PDE8B: variants seen among roughly 807,000 people sequenced by gnomAD.
PDE8B encodes the protein phosphodiesterase 8B, also known as high affinity cAMP-specific and IBMX-insensitive 3',5'-cyclic phosphodiesterase 8B.
In PDE8B, 26 loss-of-function variants were observed where a neutral mutation model predicts 101.3. The observed-to-expected ratio is 0.26, with a 90% CI of 0.19 to 0.36. PDE8B has a LOEUF of 0.36. Ranked by LOEUF, PDE8B falls within the 10% of genes least tolerant of loss-of-function variation. PDE8B has a pLI of 1.00. For synonymous variants in PDE8B, 424 were observed against 429.3 expected, an observed-to-expected ratio of 0.99 and a Z score of 0.15; for missense variants, 810 against 1,163.1, an observed-to-expected ratio of 0.70 and a Z score of 4.42.
chr5:77,380,585 G>A (rs1173114304), intron 10 of PDE8B, among the ~76,000 whole-genome samples: 1 of 152,198 alleles, frequency 6.6e-6, no homozygotes, highest in Non-Finnish European at 1.5e-5. Context: ...ATTAATAACA[G>A]TGTTTTCACC....
At chr5:77,374,612 G>A (rs1785702120) in intron 10 of PDE8B, among the ~76,000 whole-genome samples, 1 of 152,100 alleles carries the variant, frequency 6.6e-6, no homozygotes, top group African/African-American at 2.4e-5. Flanking sequence ...GTGAAACATA[G>A]GAACTTTTGA....
intron 10 of PDE8B, among the ~76,000 whole-genome samples, chr5:77,360,560 C>G (rs1304250579): frequency 6.6e-6 from 1 of 152,196 alleles, no homozygotes; most frequent in Non-Finnish European, 1.5e-5. Flanking sequence ...CCTAAATCAT[C>G]CATTCAGTGA....
At chr5:77,219,798 G>T (rs1250893087) in intron 1 of PDE8B, among the ~76,000 whole-genome samples, 2 of 152,164 alleles carry the variant, frequency 1.3e-5, no homozygotes, top group Non-Finnish European at 2.9e-5. Flanking sequence ...CTGAGCCTTA[G>T]TTGGAACTAG....
At chr5:77,196,023 A>T in the PDE8B span, among the ~76,000 whole-genome samples, 1 of 152,190 alleles carries the variant, frequency 6.6e-6, no homozygotes, top group Non-Finnish European at 1.5e-5. Context: ...GTGACAAATG[A>T]TGTTGAGCGT....
At chr5:77,241,767 C>A (rs930590681) in intron 1 of PDE8B, among the ~76,000 whole-genome samples, 15 of 152,218 alleles carry the variant, frequency 9.9e-5, no homozygotes, top group African/African-American at 3.6e-4. Context: ...AATATTAAAG[C>A]TGCATTGATT....
intron 1 of PDE8B, among the ~76,000 whole-genome samples, chr5:77,302,637 C>T (rs1770232932): frequency 6.6e-6 from 1 of 152,194 alleles, no homozygotes; most frequent in Non-Finnish European, 1.5e-5. Flanking sequence ...ACCCTCACCT[C>T]ATTTAAAGTC....
intron 1 of PDE8B, among the ~76,000 whole-genome samples, chr5:77,256,365 G>T (rs1352280157): frequency 1.3e-5 from 2 of 152,176 alleles, no homozygotes; most frequent in Non-Finnish European, 2.9e-5. Context: ...TGGGGGATTT[G>T]AGGGTGTGGT....
chr5:77,357,875 A>G (rs1418972751), intron 10 of PDE8B, among the ~76,000 whole-genome samples: 1 of 152,080 alleles, frequency 6.6e-6, no homozygotes, highest in East Asian at 1.9e-4. Flanking sequence ...AGATTTTCCC[A>G]TCCAGTCCTT....
chr5:77,241,959 A>G (rs1372790382), intron 1 of PDE8B, among the ~76,000 whole-genome samples: 1 of 152,196 alleles, frequency 6.6e-6, no homozygotes, highest in Non-Finnish European at 1.5e-5. Flanking sequence ...TCATGGTTCA[A>G]ATCCTTCCTT....
At chr5:77,207,372 TAC>T (rs1747586623), upstream of PDE8B, among the ~76,000 whole-genome samples, 1 of 152,242 alleles carries the variant, frequency 6.6e-6, no homozygotes, top group Admixed American at 6.5e-5. Flanking sequence ...GCCATAATTT[TAC>T]AGTTAGCTCT....
chr5:77,259,068 A>ACACACACC (rs1759857973), intron 1 of PDE8B, among the ~76,000 whole-genome samples: 2 of 41,140 alleles, frequency 4.9e-5, no homozygotes, highest in Non-Finnish European at 9.6e-5. Flanking sequence ...ACACACACAC[A>ACACACACC]CCCCCGCCCC....
intron 7 of PDE8B, among the ~76,000 whole-genome samples, chr5:77,347,263 A>T (rs1209918047): frequency 6.6e-6 from 1 of 152,232 alleles, no homozygotes; most frequent in African/African-American, 2.4e-5. Context: ...CATTTTGCAG[A>T]TGAGGAAACT....
chr5:77,401,554 A>G (rs1792286595), intron 11 of PDE8B, among the ~76,000 whole-genome samples: 1 of 152,190 alleles, frequency 6.6e-6, no homozygotes, highest in Admixed American at 6.5e-5. Flanking sequence ...TATCAGTAAA[A>G]TGGGGATAGC....
At chr5:77,116,218 ATATATATTTTTT>A in the PDE8B span, among the ~76,000 whole-genome samples, 1 of 75,144 alleles carries the variant, frequency 1.3e-5, no homozygotes, top group African/African-American at 7.5e-5. Context: ...ATATATATAT[ATATATATTTTTT>A]TTTTTTTTTT....
chr5:77,245,868 T>C (rs1190545249), intron 1 of PDE8B, among the ~76,000 whole-genome samples: 1 of 30,478 alleles, frequency 3.3e-5, no homozygotes, highest in Non-Finnish European at 5.8e-5. Flanking sequence ...CCCCAACTTT[T>C]TGAGATAGGG....
At chr5:77,107,253 A>G in the PDE8B span, among the ~76,000 whole-genome samples, 1 of 152,168 alleles carries the variant, frequency 6.6e-6, no homozygotes, top group Non-Finnish European at 1.5e-5. Flanking sequence ...ATGGCTGCAT[A>G]GTATTCCTTG....
At chr5:77,336,514 A>G (rs1778231434) in intron 5 of PDE8B, among the ~76,000 whole-genome samples, 2 of 152,160 alleles carry the variant, frequency 1.3e-5, no homozygotes, top group African/African-American at 4.8e-5. Flanking sequence ...CTTTCACTTA[A>G]TACATTTTTC....
intron 17 of PDE8B, among the ~76,000 whole-genome samples, chr5:77,414,603 T>G (rs1391107897): frequency 6.7e-6 from 1 of 149,412 alleles, no homozygotes; most frequent in African/African-American, 2.5e-5. Flanking sequence ...TTTTTTTTTT[T>G]GTATTTTTAG....
the PDE8B span, among the ~76,000 whole-genome samples, chr5:77,167,325 T>A: frequency 1.5e-4 from 23 of 152,360 alleles, no homozygotes; most frequent in Non-Finnish European, 2.6e-4. Context: ...AGACCATGTC[T>A]GTTTTTGGCT....
Sources: gnomAD v4.1 joint callset for allele counts (sites outside exome capture counted in the v4.1 genomes callset) on GRCh38, gnomAD v4.1.1 for gene constraint, MANE v1.5 for transcripts, NCBI Gene and HGNC (gene_info 2026-07-23, HGNC 2026-07-21) for gene names.